GSPT1: variants seen among roughly 807,000 people sequenced by gnomAD.
The protein encoded by GSPT1 is eukaryotic peptide chain release factor GTP-binding subunit ERF3A.
A neutral mutation model predicts 72.5 loss-of-function variants in GSPT1; 20 were observed. The ratio of observed to expected loss-of-function variants is 0.28; its 90% confidence interval spans 0.19 to 0.40. GSPT1 has a LOEUF of 0.40. GSPT1 is among the 10% of genes least tolerant of loss of function. The pLI is 1.00. For synonymous variants in GSPT1, 334 were observed against 293.5 expected (o/e 1.14, Z -1.41); for missense variants, 580 against 811.9 (o/e 0.71, Z 3.47).
At chr16:11,887,919 C>G (rs2054204109) in intron 6 of GSPT1, among the ~76,000 whole-genome samples, 169 bp from the exon 7 acceptor site, 2 of 152,216 alleles carry the variant, frequency 1.3e-5, no homozygotes, top group African/African-American at 4.8e-5. Context: ...AATCTGAGCA[C>G]TTTGGGAGGC....
intron 1 of GSPT1, among the ~76,000 whole-genome samples, chr16:11,912,580 C>T (rs531859929): frequency 1.3e-5 from 2 of 152,260 alleles, no homozygotes; most frequent in East Asian, 3.9e-4. Flanking sequence ...TGGGATGATG[C>T]AAAGAACACC....
At chr16:11,887,925 G>A (rs1318740460) in intron 6 of GSPT1, among the ~76,000 whole-genome samples, 175 bp from the exon 7 acceptor site, 1 of 152,204 alleles carries the variant, frequency 6.6e-6, no homozygotes, top group East Asian at 1.9e-4. Flanking sequence ...AGCACTTTGG[G>A]AGGCCAAGGC....
At chr16:11,914,509 A>G (rs1179867345) in intron 1 of GSPT1, among the ~76,000 whole-genome samples, 3 of 152,248 alleles carry the variant, frequency 2.0e-5, no homozygotes, top group Non-Finnish European at 4.4e-5. Context: ...CTATTAAATT[A>G]TAACAAATGC....
At chr16:11,916,160 C>T (rs371924721), upstream of GSPT1, 2 of 354,616 alleles carry the variant, frequency 5.6e-6, no homozygotes, top group East Asian at 1.2e-4. Flanking sequence ...TTCCCGGGGG[C>T]CGACGGGAGT....
chr16:11,894,454 T>C (rs2054309555), intron 5 of GSPT1, among the ~76,000 whole-genome samples: 2 of 152,122 alleles, frequency 1.3e-5, no homozygotes, highest in African/African-American at 2.4e-5. Flanking sequence ...AAGGAGCTGA[T>C]GAATGAGGAA....
At chr16:11,915,127 C>T in intron 1 of GSPT1, 1 of 1,108,382 alleles carries the variant, frequency 9.0e-7, no homozygotes, top group Non-Finnish European at 1.1e-6. Flanking sequence ...CGCGGAGGGG[C>T]GGCACTCGGG....
In GSPT1 at chr16:11,907,385, C is replaced by T. The variant is rs576496133; in HGVS notation, c.352+7984G>A. Among the ~76,000 whole-genome samples the T allele has an allele frequency of 3.9e-5, 6 of 152,292 alleles. No individual in the cohort carries two copies. In the South Asian group the frequency reaches 1.2e-3, roughly 32 times the overall value. On this transcript the variant is annotated intron_variant, in intron 1 of 14. Transcript: ENST00000434724. ...TTTAGCTTTACTGAGCCTTTATTTT[C>T]TCATCTGTAAAATGGGTCAACAGTA...
rs1341459818 is a variant in GSPT1, at chr16:11,915,557, T to A, written c.164A>T (p.Glu55Val). The A allele has an allele frequency of 6.7e-7, 1 of 1,493,576 alleles. No homozygotes were observed. The highest frequency in any genetic ancestry group is 8.9e-7 in the Non-Finnish European group (1 of 1,121,574). 92.5% of individuals were successfully genotyped at this position (1,493,576 alleles called of 1,614,324 possible). A position where few individuals can be genotyped will look rare whatever the true frequency, so the allele number is the denominator to read the frequency against. The stretch of plus-strand genomic sequence containing the variant: ...CGCGCTGAGGTTCTCCCGCTGGGCC[T>A]CGGCCGCCGCCGCCAGGGAGCCGCC... The part of the protein sequence containing the change: ...GGGGSLAAAA[E>V]AQRENLSAAF... The change falls in exon 1 of 15, where the codon GAG (glutamate) becomes GTG (valine). Residue 55 changes from glutamate (E) to valine (V), a missense_variant. Glu to Val is a moderately radical substitution (Grantham distance 121, BLOSUM62 -2). Around this residue, in one of 6 missense-constraint regions of GSPT1, gnomAD observed 327 missense variants for 298.8 expected, o/e 1.09. Coordinates refer to ENST00000434724, the MANE Select transcript of GSPT1 (RefSeq NM_002094.4).
upstream of GSPT1, chr16:11,916,103 G>A: frequency 5.9e-5 from 28 of 472,112 alleles, no homozygotes; most frequent in South Asian, 4.1e-4. Flanking sequence ...CGCGGCGGGA[G>A]GTGGAACTAC....
intron 10 of GSPT1, 46 bp downstream of exon 10, chr16:11,885,135 T>C (rs1362768255): frequency 2.3e-6 from 2 of 862,302 alleles, no homozygotes; most frequent in Admixed American, 1.9e-5. Context: ...TGCACAACAA[T>C]GATTTCCCCT....
At chr16:11,874,431 G>A (rs1331060952) in intron 14 of GSPT1, among the ~76,000 whole-genome samples, 1 of 142,822 alleles carries the variant, frequency 7.0e-6, no homozygotes, top group Non-Finnish European at 1.5e-5. Flanking sequence ...TGGGTCTTGT[G>A]GAAAACCTAA....
intron 11 of GSPT1, among the ~76,000 whole-genome samples, chr16:11,880,012 G>A (rs940571247): frequency 1.3e-5 from 2 of 152,080 alleles, no homozygotes; most frequent in African/African-American, 2.4e-5. Context: ...CCGTTCACCC[G>A]AACCCTGGCA....
intron 1 of GSPT1, 37 bp from the exon 2 acceptor site, chr16:11,898,072 C>G: frequency 7.5e-7 from 1 of 1,326,082 alleles, no homozygotes; most frequent in Non-Finnish European, 1.1e-6. Context: ...AAAATTGATA[C>G]TTATCCATCC....
At chr16:11,904,445 G>A (rs1029967300) in intron 1 of GSPT1, among the ~76,000 whole-genome samples, 8 of 152,102 alleles carry the variant, frequency 5.3e-5, no homozygotes, top group African/African-American at 9.6e-5. Flanking sequence ...CTTGTGATCC[G>A]CCCGCCTTGG....
chr16:11,879,384 A>C (rs1006083411), intron 11 of GSPT1, among the ~76,000 whole-genome samples: 3 of 149,906 alleles, frequency 2.0e-5, no homozygotes, highest in African/African-American at 7.4e-5. Context: ...ACAGAAGGAG[A>C]CTCCGTCTCA....
intron 1 of GSPT1, among the ~76,000 whole-genome samples, chr16:11,909,621 CAAACTTAAAAATACA>C (rs1307748554): frequency 6.6e-6 from 1 of 152,124 alleles, no homozygotes; most frequent in African/African-American, 2.4e-5. Context: ...GCACTCTCGA[CAAACTTAAAAATACA>C]AAACTTGGCC....
chr16:11,906,442 G>A (rs1468412817), intron 1 of GSPT1, among the ~76,000 whole-genome samples: 1 of 152,058 alleles, frequency 6.6e-6, no homozygotes, highest in Non-Finnish European at 1.5e-5. Context: ...ACCAGCCAGG[G>A]CAACACAGTG....
chr16:11,896,692 T>C lies in GSPT1; in HGVS notation c.530A>G (p.Asp177Gly). The change falls in exon 4 of 15, where the codon GAT (aspartate) becomes GGT (glycine). Residue 177 changes from aspartate to glycine, a missense_variant. Physicochemically the swap from Asp to Gly is moderately conservative, Grantham distance 94 (BLOSUM62 -1). Coordinates refer to ENST00000434724, the MANE Select transcript of GSPT1 (RefSeq NM_002094.4). Reference protein sequence around the residue: ...EAEPGGGSLGDGRPPEESAHE... With the variant: ...EAEPGGGSLGGGRPPEESAHE... Reference sequence around the variant, plus strand: ...GGCACTTTCCTCTGGCGGCCTTCCATCTCCCAAGGAACCACCCCCTGGCTC... The same window carrying C: ...GGCACTTTCCTCTGGCGGCCTTCCACCTCCCAAGGAACCACCCCCTGGCTC... The C allele has an allele frequency of 6.2e-7, 1 of 1,608,024 alleles. No individual in the cohort carries two copies. The highest frequency in any genetic ancestry group is 8.5e-7 in the Non-Finnish European group (1 of 1,177,010).
In GSPT1 at chr16:11,898,103, T is replaced by C. The variant is rs925426912; in HGVS notation, c.353-68A>G. ...CATCCATTTCACTTATCTTTTAATA[T>C]GCAGTAAAAACAGAAGTTCAATAAC... On this transcript the variant is annotated intron_variant, in intron 1 of 14. Transcript: ENST00000434724. The C allele has an allele frequency of 1.0e-5, 10 of 1,000,540 alleles. No individual in the cohort carries two copies. The Admixed American group carries it at 2.0e-4, about 20-fold the overall frequency. 62.0% of individuals were successfully genotyped at this position (1,000,540 alleles called of 1,614,324 possible).
Sources: gnomAD v4.1 joint callset for allele counts (sites outside exome capture counted in the v4.1 genomes callset) on GRCh38, gnomAD v4.1.1 for gene constraint, gnomAD v4.1.1 regional missense constraint, MANE v1.5 for transcripts, NCBI Gene and HGNC (gene_info 2026-07-23, HGNC 2026-07-21) for gene names.